The following SIRT3 variants were observed in gnomAD, a reference collection of about 807,000 sequenced individuals.
SIRT3 encodes the protein sirtuin 3, also known as NAD-dependent protein deacetylase sirtuin-3, mitochondrial.
SIRT3 carries 26 observed loss-of-function variants against 33.5 expected under a neutral mutation model. The observed-to-expected ratio is 0.78, with a 90% CI of 0.57 to 1.08. The LOEUF (loss-of-function observed/expected upper bound fraction) is 1.08. Ranked by LOEUF, SIRT3 falls within the 50% of genes least tolerant of loss-of-function variation. SIRT3 has a pLI of 0.00. For synonymous variants in SIRT3, 237 were observed against 222.1 expected (o/e 1.07, Z -0.60); for missense variants, 585 against 530.1 (o/e 1.10, Z -1.02).
At position 216,461 on chromosome 11, in the gene SIRT3, A is replaced by C. The variant is rs1855655981; in HGVS notation, c.*237T>G. On this transcript the variant is annotated 3_prime_UTR_variant, in exon 7 of 7. Coordinates refer to ENST00000382743, the MANE Select transcript of SIRT3 (RefSeq NM_012239.6). ...AGCAGAGTGAAGAGTTCAACACAGC[A>C]AACAGGCAGGCAGCTCCTTTGTATA... The C allele has an allele frequency of 7.2e-6, 4 of 551,816 alleles. No individual in the cohort carries two copies. Among genetic ancestry groups the C allele is most frequent in the Admixed American group, 3.4e-5 (1 of 29,730 alleles). The allele number at this position is 551,816 out of a possible 1,614,324, so 34.2% of individuals were successfully genotyped here.
chr11:236,646 A>G (rs1859209410), upstream of SIRT3: 1 of 238,920 alleles, frequency 4.2e-6, no homozygotes, highest in Admixed American at 6.0e-5. Flanking sequence ...GTGATAGTTA[A>G]TACTTTCTGA....
intron 3 of SIRT3, among the ~76,000 whole-genome samples, chr11:231,886 G>A (rs1815188736): frequency 1.3e-5 from 1 of 78,876 alleles, no homozygotes; most frequent in Non-Finnish European, 2.6e-5. Flanking sequence ...CTCCCGGAGA[G>A]CTGACTGTCC....
At chr11:229,306 G>A (rs1337988302) in intron 4 of SIRT3, among the ~76,000 whole-genome samples, 7 of 151,182 alleles carry the variant, frequency 4.6e-5, no homozygotes, top group Admixed American at 2.0e-4. Flanking sequence ...TTAGCCGGGC[G>A]TGGTGGTGTG....
chr11:227,567 CA>C (rs1446498143), intron 4 of SIRT3, among the ~76,000 whole-genome samples: 6 of 152,124 alleles, frequency 3.9e-5, no homozygotes, highest in Admixed American at 3.9e-4. Context: ...AGGAGAAGAA[CA>C]AAGGTGGGGA....
chr11:229,575 G>T (rs1017791739), intron 4 of SIRT3, among the ~76,000 whole-genome samples: 4 of 152,008 alleles, frequency 2.6e-5, no homozygotes, highest in Non-Finnish European at 2.9e-5. Flanking sequence ...GGCCAACATG[G>T]TGAAACCCCA....
At chr11:227,872 T>C (rs1857389681) in intron 4 of SIRT3, among the ~76,000 whole-genome samples, 1 of 152,206 alleles carries the variant, frequency 6.6e-6, no homozygotes, top group Admixed American at 6.5e-5. Context: ...CCCGCCTGTC[T>C]AGGCCTCCCA....
chr11:226,813 G>A (rs961602163), intron 4 of SIRT3, among the ~76,000 whole-genome samples: 5 of 149,970 alleles, frequency 3.3e-5, no homozygotes, highest in African/African-American at 9.8e-5. Context: ...GAGTGCAATG[G>A]CCTAATCTCA....
rs1857803566 is a variant in SIRT3 at position 230,541 on chromosome 11, G to A, written c.718C>T (p.Pro240Ser). Residue 240 changes from proline (P) to serine (S), a missense_variant, in exon 4 of 7, where the codon CCT (proline) becomes TCT (serine). Transcript: ENST00000382743. ...IDGLERVSGI[P>S]ASKLVEAHGT... ...TGAGCTTCAACCAGCTTTGAGGCAGGGATGCCCGACACTGAAATTCAAGCC... is the reference window on the plus strand; with the variant it reads ...TGAGCTTCAACCAGCTTTGAGGCAGAGATGCCCGACACTGAAATTCAAGCC... The A allele has an allele frequency of 1.3e-6, 2 of 1,528,744 alleles. No individual in the cohort carries two copies. Among genetic ancestry groups the A allele is most frequent in the Non-Finnish European group, 1.8e-6 (2 of 1,138,940 alleles). The allele number at this position is 1,528,744 out of a possible 1,614,324, so 94.7% of individuals were successfully genotyped here. A position where few individuals can be genotyped will look rare whatever the true frequency, so the allele number is the denominator to read the frequency against.
rs774224707 is a variant in SIRT3, at chr11:233,213, G to A, written c.476C>T (p.Ser159Leu). Residue 159 changes from serine to leucine, a missense_variant and splice_region_variant, in exon 3 of 7, where the codon TCG becomes TTG. By Grantham distance (145) the Ser-to-Leu change is moderately radical (BLOSUM62 -2). Transcript: ENST00000382743. ...STPSGIPDFR[S>L]PGSGLYSNLQ... is the part of the protein sequence containing the mutation. Reference sequence around the variant, plus strand: ...GTTGCTGTACAGGCCACTCCCCGGCGATCTGCAGGGAGAGAAGAAAGGCTC... The same window carrying A: ...GTTGCTGTACAGGCCACTCCCCGGCAATCTGCAGGGAGAGAAGAAAGGCTC... 8.1e-6 allele frequency: 13 copies of A among 1,612,504 alleles called. No homozygotes were observed. The highest frequency in any genetic ancestry group is 3.3e-5 in the Admixed American group (2 of 59,854).
At chr11:216,754 T>C (rs2133774663) in intron 6 of SIRT3, 36 bp from the exon 7 acceptor site, 2 of 1,613,248 alleles carry the variant, frequency 1.2e-6, no homozygotes, top group Non-Finnish European at 8.5e-7. Context: ...CAGCTATCTG[T>C]TTACACACCC....
chr11:234,457 C>T (rs988650558), intron 1 of SIRT3, among the ~76,000 whole-genome samples: 4 of 151,548 alleles, frequency 2.6e-5, no homozygotes, highest in African/African-American at 9.8e-5. Context: ...CTCTGTTGCC[C>T]AGGCTGGAGT....
chr11:236,451 G>C (rs1859170903), upstream of SIRT3: 1 of 598,826 alleles, frequency 1.7e-6, no homozygotes, highest in Non-Finnish European at 2.0e-6. Context: ...CCCGCCCCCG[G>C]CGCCCCGGTC....
chr11:217,503 G>A (rs1240562719), intron 6 of SIRT3, among the ~76,000 whole-genome samples: 1 of 152,264 alleles, frequency 6.6e-6, no homozygotes, highest in East Asian at 1.9e-4. Context: ...AAAAAAGCCT[G>A]CTGGGCTGAT....
intron 1 of SIRT3, among the ~76,000 whole-genome samples, chr11:234,403 T>TTTGTTTTGTTTTGTTTTGTTTTG (rs61632362): frequency 1.3e-4 from 19 of 151,436 alleles, no homozygotes; most frequent in South Asian, 1.0e-3. Flanking sequence ...GTAGCAAGGA[T>TTTGTTTTGTTTTGTTTTGTTTTG]TTTTGTTTTG....
intron 3 of SIRT3, among the ~76,000 whole-genome samples, chr11:231,508 A>G (rs1000457614): frequency 6.6e-6 from 1 of 152,270 alleles, no homozygotes; most frequent in African/African-American, 2.4e-5. Flanking sequence ...GGATATAAAT[A>G]TCATAAATTC....
chr11:216,753 G>C (rs1259765556), intron 6 of SIRT3, 35 bp from the exon 7 acceptor site: 1 of 1,613,288 alleles, frequency 6.2e-7, no homozygotes, highest in Non-Finnish European at 8.5e-7. Context: ...TCAGCTATCT[G>C]TTTACACACC....
At chr11:219,628 G>T (rs1351830623) in intron 5 of SIRT3, among the ~76,000 whole-genome samples, 1 of 151,936 alleles carries the variant, frequency 6.6e-6, no homozygotes, top group East Asian at 1.9e-4. Context: ...GTAAAAAAAT[G>T]GATACATTAA....
At chr11:226,293 C>T (rs747845584) in intron 4 of SIRT3, among the ~76,000 whole-genome samples, 32 of 152,222 alleles carry the variant, frequency 2.1e-4, no homozygotes, top group Middle Eastern at 3.4e-3. Context: ...TACAGTGAGG[C>T]GCGTCTGACC....
chr11:227,206 G>A (rs1481198487), intron 4 of SIRT3, among the ~76,000 whole-genome samples: 2 of 151,820 alleles, frequency 1.3e-5, no homozygotes, highest in Admixed American at 6.6e-5. Context: ...TTGGGAGGCC[G>A]AGGCGGGTGG....
Sources: allele counts gnomAD v4.1 joint callset (sites outside exome capture counted in the v4.1 genomes callset), GRCh38; gene constraint gnomAD v4.1.1; transcripts MANE v1.5; gene names NCBI Gene and HGNC (gene_info 2026-07-23, HGNC 2026-07-21).